Variants in TAAR1 observed in about 807,000 individuals in gnomAD.
TAAR1 encodes the protein trace amine-associated receptor 1.
Under a neutral mutation model 1.2 loss-of-function variants are expected in TAAR1, and 1 was observed. The observed-to-expected ratio is 0.81, with a 90% CI of 0.29 to 3.86. The LOEUF is 3.86. Ranked by LOEUF, TAAR1 falls within the 30% of genes most tolerant of loss-of-function variation. TAAR1 has a pLI of 0.18. For synonymous variants in TAAR1, 153 were observed against 132.2 expected (o/e 1.16, Z -1.08); for missense variants, 445 against 405.6 (o/e 1.10, Z -0.83).
In TAAR1 at chr6:132,644,915, G is replaced by T; in HGVS notation, c.*69C>A. The T allele has an allele frequency of 7.7e-7, 1 of 1,294,468 alleles. No homozygotes were observed. Among genetic ancestry groups the T allele is most frequent in the Non-Finnish European group, 1.0e-6 (1 of 962,964 alleles). 80.2% of individuals were successfully genotyped at this position (1,294,468 alleles called of 1,614,324 possible). ...AAAAAAATCCATGTGGTTGGTGCAT[G>T]TGGTTCGTTATGTTGTGTTCATAAA... On this transcript the variant is annotated 3_prime_UTR_variant, in exon 2 of 2. Transcript: ENST00000275216.
chr6:132,647,623 G>GAAAAGAAAA (rs201011015), intron 1 of TAAR1, among the ~76,000 whole-genome samples: 1 of 103,070 alleles, frequency 9.7e-6, no homozygotes, highest in Non-Finnish European at 1.8e-5. Flanking sequence ...GAAAGAAAAA[G>GAAAAGAAAA]GAAAGAAAGA....
At chr6:132,647,623 G>GAA (rs201011015) in intron 1 of TAAR1, among the ~76,000 whole-genome samples, 2 of 103,070 alleles carry the variant, frequency 1.9e-5, no homozygotes, top group Non-Finnish European at 3.6e-5. Flanking sequence ...GAAAGAAAAA[G>GAA]GAAAGAAAGA....
chr6:132,644,027 TG>T lies in TAAR1; in HGVS notation c.*956del. ...TCATGCCAGATATGACCTTAAGACA[TG>T]GTAAAATCCTTCTAGACATTTTCAT... On this transcript the variant is annotated 3_prime_UTR_variant, in exon 2 of 2. Coordinates refer to ENST00000275216, the MANE Select transcript of TAAR1 (RefSeq NM_138327.4). Among the ~76,000 whole-genome samples the T allele has an allele frequency of 6.6e-6, 1 of 151,966 alleles. No individual in the cohort carries two copies. Among genetic ancestry groups the T allele is most frequent in the Non-Finnish European group, 1.5e-5 (1 of 67,938 alleles).
At chr6:132,655,927 A>G (rs1777800543) in intron 1 of TAAR1, among the ~76,000 whole-genome samples, 1 of 152,168 alleles carries the variant, frequency 6.6e-6, no homozygotes, top group East Asian at 1.9e-4. Flanking sequence ...CTTTGGCTTG[A>G]GCAGCTTGAA....
At chr6:132,653,733 A>G (rs143522106) in intron 1 of TAAR1, among the ~76,000 whole-genome samples, 71 of 152,318 alleles carry the variant, frequency 4.7e-4, no homozygotes, top group Admixed American at 7.8e-4. Context: ...GTGTTAACCT[A>G]AATATACTGT....
chr6:132,648,417 T>C (rs1464882748), intron 1 of TAAR1, among the ~76,000 whole-genome samples: 1 of 152,166 alleles, frequency 6.6e-6, no homozygotes, highest in Admixed American at 6.6e-5. Flanking sequence ...AAATTTCACT[T>C]TTAGAAGAGG....
chr6:132,658,003 GATTT>G (rs59708255), intron 1 of TAAR1, among the ~76,000 whole-genome samples: 25,762 of 151,456 alleles, frequency 0.17, 4,669 homozygotes, highest in African/African-American at 0.45. Context: ...TTCTTTGCAT[GATTT>G]ATTTATCTAT....
At chr6:132,646,864 T>C (rs908377126) in intron 1 of TAAR1, among the ~76,000 whole-genome samples, 2 of 152,164 alleles carry the variant, frequency 1.3e-5, no homozygotes, top group Non-Finnish European at 2.9e-5. Flanking sequence ...TCAGTTTCTT[T>C]GATATCAGTC....
At chr6:132,648,939 A>C (rs1225509905) in intron 1 of TAAR1, among the ~76,000 whole-genome samples, 1 of 152,204 alleles carries the variant, frequency 6.6e-6, no homozygotes, top group Non-Finnish European at 1.5e-5. Context: ...AATGTTTGAA[A>C]ATGACATATG....
intron 1 of TAAR1, among the ~76,000 whole-genome samples, chr6:132,656,093 A>G (rs1777801876): frequency 6.6e-6 from 1 of 152,176 alleles, no homozygotes; most frequent in Admixed American, 6.5e-5. Flanking sequence ...TGGCTGGGCC[A>G]TTCACTGGTC....
chr6:132,657,578 A>G (rs1485209782), intron 1 of TAAR1, among the ~76,000 whole-genome samples: 1 of 152,058 alleles, frequency 6.6e-6, no homozygotes, highest in Non-Finnish European at 1.5e-5. Context: ...ATTGTTAAGT[A>G]GAAAACATTT....
chr6:132,649,098 A>G (rs1326144683), intron 1 of TAAR1, among the ~76,000 whole-genome samples: 3 of 152,104 alleles, frequency 2.0e-5, no homozygotes, highest in Admixed American at 6.6e-5. Context: ...TTAACCACCC[A>G]TTCCTAATTG....
In TAAR1 at chr6:132,648,066, T is replaced by C. The variant is rs1777707324; in HGVS notation, c.-126-1937A>G. On this transcript the variant is annotated intron_variant, in intron 1 of 1. Transcript: ENST00000275216. ...CTAAACAGCAAACAAAAACTGTTAT[T>C]TAAACTAAGCAATATTTGAATTACG... 2.6e-5 allele frequency among the ~76,000 whole-genome samples: 4 copies of C among 152,172 alleles called. No individual in the cohort carries two copies. In the South Asian group the frequency reaches 8.3e-4, roughly 31 times the overall value.
At chr6:132,646,594 G>A (rs1246483123) in intron 1 of TAAR1, among the ~76,000 whole-genome samples, 2 of 152,068 alleles carry the variant, frequency 1.3e-5, no homozygotes, top group Admixed American at 6.6e-5. Context: ...TTGGTCATAC[G>A]TAAATTATAT....
intron 1 of TAAR1, among the ~76,000 whole-genome samples, chr6:132,656,421 A>G (rs1323767828): frequency 2.0e-5 from 3 of 152,062 alleles, no homozygotes; most frequent in African/African-American, 7.2e-5. Context: ...AGAGATAAAT[A>G]GGGGGAGGGA....
chr6:132,653,425 A>G (rs4585585), intron 1 of TAAR1, among the ~76,000 whole-genome samples: 29,747 of 152,166 alleles, frequency 0.2, 3,146 homozygotes, highest in East Asian at 0.33. Context: ...AGAAGCCACT[A>G]TCTCAATGCC....
intron 1 of TAAR1, among the ~76,000 whole-genome samples, chr6:132,647,741 A>C (rs1421029835): frequency 2.6e-5 from 4 of 152,046 alleles, no homozygotes; most frequent in Non-Finnish European, 4.4e-5. Context: ...GAAGAGTACA[A>C]ATTTCTGGCA....
In TAAR1 at chr6:132,643,341, A is replaced by C. The variant is rs1308953766; in HGVS notation, c.*1643T>G. ...TCACTAAATGCTTGTTTCCTTTTTA[A>C]AATTTGACAGACTGGACTCACAGGT... On this transcript the variant is annotated 3_prime_UTR_variant, in exon 2 of 2. Transcript: ENST00000275216. 6.6e-6 allele frequency among the ~76,000 whole-genome samples: 1 copy of C among 151,966 alleles called. No homozygotes were observed. The highest frequency in any genetic ancestry group is 1.5e-5 in the Non-Finnish European group (1 of 67,916).
At chr6:132,652,810 C>A (rs1238375704) in intron 1 of TAAR1, among the ~76,000 whole-genome samples, 1 of 151,510 alleles carries the variant, frequency 6.6e-6, no homozygotes, top group Non-Finnish European at 1.5e-5. Flanking sequence ...TGGTTTCCTC[C>A]TCACCACTCT....
Sources: gnomAD v4.1 joint callset for allele counts (sites outside exome capture counted in the v4.1 genomes callset) on GRCh38, gnomAD v4.1.1 for gene constraint, MANE v1.5 for transcripts, NCBI Gene and HGNC (gene_info 2026-07-23, HGNC 2026-07-21) for gene names.